The following ANKRD13A variants were observed in gnomAD, a reference collection of about 807,000 sequenced individuals.
The protein encoded by ANKRD13A is ankyrin repeat domain 13A.
A neutral mutation model predicts 81.3 loss-of-function variants in ANKRD13A; 48 were observed. That is an observed-to-expected ratio of 0.59 (90% confidence interval 0.47 to 0.75). ANKRD13A has a LOEUF of 0.75. Ranked by LOEUF, ANKRD13A falls within the 30% of genes least tolerant of loss-of-function variation. The pLI, the probability that ANKRD13A is intolerant of heterozygous loss-of-function variation, is 0.00. For missense variants in ANKRD13A, 612 were observed against 734.0 expected, an observed-to-expected ratio of 0.83 and a Z score of 1.92; for synonymous variants, 230 against 270.1, an observed-to-expected ratio of 0.85 and a Z score of 1.45.
intron 1 of ANKRD13A, among the ~76,000 whole-genome samples, chr12:110,004,845 G>A (rs1890160048): frequency 6.6e-6 from 1 of 152,168 alleles, no homozygotes; most frequent in Non-Finnish European, 1.5e-5. Context: ...CAAGCACCGT[G>A]CTAAGTTAAG....
chr12:110,027,540 A>G (rs1310272335), intron 8 of ANKRD13A, 165 bp from the exon 9 acceptor site: 5 of 655,798 alleles, frequency 7.6e-6, no homozygotes, highest in Admixed American at 2.6e-5. Flanking sequence ...AAAGCACCCT[A>G]TAAAGGATAA....
intron 5 of ANKRD13A, 137 bp from the exon 6 acceptor site, chr12:110,019,002 A>G (rs1222070213): frequency 2.4e-6 from 2 of 840,300 alleles, no homozygotes; most frequent in East Asian, 5.3e-5. Context: ...GTAGTCGATA[A>G]TCAGTACACT....
chr12:110,033,699 T>C (rs767035666), intron 12 of ANKRD13A, 98 bp from the exon 13 acceptor site: 4 of 1,180,242 alleles, frequency 3.4e-6, no homozygotes, highest in South Asian at 1.9e-5. Flanking sequence ...TGTTATAATT[T>C]TGAGCCTTTC....
intron 11 of ANKRD13A, among the ~76,000 whole-genome samples, chr12:110,030,086 T>G (rs772641038): frequency 1.3e-5 from 2 of 152,168 alleles, no homozygotes; most frequent in Non-Finnish European, 1.5e-5. Context: ...GTATTAATTT[T>G]GGATAGTTGT....
At position 110,019,238 on chromosome 12, in the gene ANKRD13A, T is replaced by G. The variant is rs781694896; in HGVS notation, c.644T>G (p.Leu215Trp). 1.8e-5 allele frequency: 29 copies of G among 1,613,954 alleles called. No homozygotes were observed. The highest frequency in any genetic ancestry group is 2.1e-5 in the Non-Finnish European group (25 of 1,179,954). ...SQEMERLTLDLMKPKSREVER... is the reference protein window; with the variant it reads ...SQEMERLTLDWMKPKSREVER... Reference sequence around the variant, plus strand: ...GAAATGGAGCGCCTCACTCTGGACTTGATGAAGCCAAAAAGCAGGGAAGTT... The same window carrying G: ...GAAATGGAGCGCCTCACTCTGGACTGGATGAAGCCAAAAAGCAGGGAAGTT... The change falls in exon 6 of 15, where the codon TTG becomes TGG. Residue 215 changes from leucine (L) to tryptophan (W), a missense_variant. By Grantham distance (61) the Leu-to-Trp change is moderately conservative (BLOSUM62 -2). Transcript: ENST00000261739.
Position 109,999,630 on chromosome 12 carries a change from A to G in ANKRD13A, c.-59A>G. Reference sequence around the variant, plus strand: ...CAGGGCAGGCAGGCGGGCGCGGGAGACCCCGCCGGGGCCGAGACTTGGGGC... The same window carrying G: ...CAGGGCAGGCAGGCGGGCGCGGGAGGCCCCGCCGGGGCCGAGACTTGGGGC... On this transcript the variant is annotated 5_prime_UTR_variant, in exon 1 of 15. Transcript: ENST00000261739. The surrounding 1 kb of genome is among the most constrained non-coding windows in gnomAD (Gnocchi z 4.3). The G allele has an allele frequency of 7.1e-7, 1 of 1,399,734 alleles. No individual in the cohort carries two copies. Among genetic ancestry groups the G allele is most frequent in the Non-Finnish European group, 9.6e-7 (1 of 1,046,478 alleles). 86.7% of individuals were successfully genotyped at this position (1,399,734 alleles called of 1,614,324 possible).
chr12:110,017,210 C>CA (rs1468757071), intron 4 of ANKRD13A, among the ~76,000 whole-genome samples: 2 of 152,164 alleles, frequency 1.3e-5, no homozygotes, highest in African/African-American at 2.4e-5. Context: ...GCACCCAGCC[C>CA]AAAATGTCAC....
Position 110,018,222 on chromosome 12 carries a change from C to G in ANKRD13A, c.401-123C>G, listed in dbSNP as rs117996860. 6.8e-5 allele frequency: 67 copies of G among 982,574 alleles called. No individual in the cohort carries two copies. Among genetic ancestry groups the G allele is most frequent in the Non-Finnish European group, 9.4e-5 (64 of 680,568 alleles). The allele number at this position is 982,574 out of a possible 1,614,324, so 60.9% of individuals were successfully genotyped here. On this transcript the variant is annotated intron_variant, in intron 4 of 14. Transcript: ENST00000261739. The surrounding 1 kb of genome is among the most constrained non-coding windows in gnomAD (Gnocchi z 4.4). Reference sequence around the variant, plus strand: ...TGGTAAATATGAAAGCCAAGAAGTCCGTTGTTTGATGGTCACCATCTTGCC... The same window carrying G: ...TGGTAAATATGAAAGCCAAGAAGTCGGTTGTTTGATGGTCACCATCTTGCC...
chr12:110,016,715 A>G (rs1348463868), intron 4 of ANKRD13A, among the ~76,000 whole-genome samples: 1 of 152,160 alleles, frequency 6.6e-6, no homozygotes, highest in Admixed American at 6.5e-5. Flanking sequence ...TGTCATTTAT[A>G]GCCGACATCT....
chr12:110,011,323 A>G (rs1890512132), intron 1 of ANKRD13A, among the ~76,000 whole-genome samples: 1 of 152,204 alleles, frequency 6.6e-6, no homozygotes, highest in African/African-American at 2.4e-5. Context: ...CCAGGTGTGC[A>G]TGTCTAGCAT....
At chr12:110,004,312 A>G (rs1174514466) in intron 1 of ANKRD13A, among the ~76,000 whole-genome samples, 1 of 151,738 alleles carries the variant, frequency 6.6e-6, no homozygotes, top group African/African-American at 2.4e-5. Flanking sequence ...AACCTAAATG[A>G]TCAGTTTCGA....
In ANKRD13A at chr12:110,021,613, C is replaced by T. The variant is rs371437158; in HGVS notation, c.734+2285C>T. The T allele has an allele frequency of 6.2e-4, 94 of 151,968 alleles. 1 individual carries two copies. In the South Asian group the frequency reaches 0.013, roughly 21 times the overall value. 9.4% of individuals were successfully genotyped at this position (151,968 alleles called of 1,614,324 possible). ...GCTAATTTTTGTATTTTTGTAGAGG[C>T]GGGGTTTCACCACGTTGGCCAGGCT... On this transcript the variant is annotated intron_variant, in intron 6 of 14. Transcript: ENST00000261739.
At chr12:110,014,431 T>C (rs1412964127) in intron 3 of ANKRD13A, among the ~76,000 whole-genome samples, 2 of 152,022 alleles carry the variant, frequency 1.3e-5, no homozygotes, top group African/African-American at 4.8e-5. Flanking sequence ...AAAATAAAAA[T>C]AAAAATTAGT....
At chr12:110,004,325 G>T (rs2137077826) in intron 1 of ANKRD13A, among the ~76,000 whole-genome samples, 1 of 152,014 alleles carries the variant, frequency 6.6e-6, no homozygotes, top group Admixed American at 6.6e-5. Context: ...AGTTTCGAAA[G>T]TGAATTCCAG....
chr12:110,029,670 T>A (rs767937571), intron 11 of ANKRD13A, 35 bp downstream of exon 11: 36 of 1,602,116 alleles, frequency 2.2e-5, no homozygotes, highest in Middle Eastern at 3.3e-4. Flanking sequence ...CACTTGGAGG[T>A]TCTGCCCATG....
At chr12:110,011,735 G>C (rs1453388362) in intron 1 of ANKRD13A, among the ~76,000 whole-genome samples, 1 of 152,180 alleles carries the variant, frequency 6.6e-6, no homozygotes, top group Non-Finnish European at 1.5e-5. Context: ...GCTTAAACTT[G>C]TGTTGGATGA....
At chr12:110,012,996 C>G (rs773132810) in intron 2 of ANKRD13A, 129 bp from the exon 3 acceptor site, 7 of 898,672 alleles carry the variant, frequency 7.8e-6, no homozygotes, top group Non-Finnish European at 1.2e-5. Context: ...CATGATCATC[C>G]TGGTAAGGTT....
rs146447568 is a variant in ANKRD13A, at chr12:110,036,431, C to T, written c.1577+103C>T. 10,521 of 1,213,466 alleles carry T rather than the reference C, an allele frequency of 8.7e-3. 56 individuals carry two copies. The highest frequency in any genetic ancestry group is 1.0e-2 in the Non-Finnish European group (8,171 of 819,966). The allele number at this position is 1,213,466 out of a possible 1,614,324, so 75.2% of individuals were successfully genotyped here. A position where few individuals can be genotyped will look rare whatever the true frequency, so the allele number is the denominator to read the frequency against. On this transcript the variant is annotated intron_variant, in intron 14 of 14. Coordinates refer to ENST00000261739, the MANE Select transcript of ANKRD13A (RefSeq NM_033121.2). This position sits in a 1 kb window ranked among gnomAD's most constrained non-coding sequence, Gnocchi z 4.6. ...TGCATTTGGTCCTCAGGCAGATGTA[C>T]GGTGCCACAAACTGGCAGGAAAGAC...
chr12:110,029,697 T>C (rs961723843), intron 11 of ANKRD13A, 62 bp downstream of exon 11: 1 of 1,581,614 alleles, frequency 6.3e-7, no homozygotes, highest in African/African-American at 1.3e-5. Flanking sequence ...GGTGGCAGCA[T>C]GTGGGTGGCA....
Sources: gnomAD v4.1 joint callset for allele counts (sites outside exome capture counted in the v4.1 genomes callset) on GRCh38, gnomAD v4.1.1 for gene constraint, Gnocchi (gnomAD v3.1) non-coding constraint, MANE v1.5 for transcripts, NCBI Gene and HGNC (gene_info 2026-07-23, HGNC 2026-07-21) for gene names.